Variants in ME1 observed in about 807,000 individuals in gnomAD.
ME1 encodes the protein malic enzyme 1, also known as NADP-dependent malic enzyme.
A neutral mutation model predicts 66.4 loss-of-function variants in ME1; 74 were observed. The ratio of observed to expected loss-of-function variants is 1.11; its 90% CI spans 0.92 to 1.35. ME1 has a LOEUF of 1.35. Among genes scored for constraint, ME1 ranks in the 40% most tolerant of loss-of-function variants. The pLI, the probability that ME1 is intolerant of heterozygous loss-of-function variation, is 0.00. For missense variants in ME1, 750 were observed against 694.1 expected (o/e 1.08, Z -0.90); for synonymous variants, 251 against 235.6 (o/e 1.07, Z -0.60).
rs572105265 is a variant in ME1, at chr6:83,420,008, G to T, written c.78+10869C>A. Among the ~76,000 whole-genome samples the T allele has an allele frequency of 2.0e-5, 3 of 152,268 alleles. No homozygotes were observed. In the East Asian group the frequency reaches 5.8e-4, roughly 29 times the overall value. On this transcript the variant is annotated intron_variant, in intron 1 of 13. Coordinates refer to ENST00000369705, the MANE Select transcript of ME1 (RefSeq NM_002395.6). ...TTAAAAGAGGGGACTTCACTGAAAA[G>T]CAGGCCTTCTTGTAATTCTCTCATT...
chr6:83,286,318 A>T (rs1030890963), intron 6 of ME1, among the ~76,000 whole-genome samples: 13 of 152,192 alleles, frequency 8.5e-5, no homozygotes, highest in Non-Finnish European at 1.3e-4. Context: ...TAACTAACAA[A>T]TGTACTAGCT....
chr6:83,333,266 TC>T (rs984100105), intron 5 of ME1, among the ~76,000 whole-genome samples: 12 of 152,152 alleles, frequency 7.9e-5, no homozygotes, highest in African/African-American at 2.9e-4. Context: ...ATGCAGAGAT[TC>T]AAAAAAGCAA....
chr6:83,408,960 G>T (rs1269242331), intron 1 of ME1, among the ~76,000 whole-genome samples: 2 of 152,138 alleles, frequency 1.3e-5, no homozygotes, highest in Non-Finnish European at 2.9e-5. Flanking sequence ...CAAGGCGATG[G>T]CATAGGAAGA....
intron 3 of ME1, among the ~76,000 whole-genome samples, chr6:83,373,445 G>C (rs1470925175): frequency 1.3e-5 from 2 of 152,088 alleles, no homozygotes; most frequent in Non-Finnish European, 2.9e-5. Flanking sequence ...TGCTGGCCAG[G>C]CTGGTCTCGA....
intron 3 of ME1, among the ~76,000 whole-genome samples, chr6:83,396,021 C>G (rs1433529817): frequency 6.6e-6 from 1 of 152,068 alleles, no homozygotes; most frequent in Non-Finnish European, 1.5e-5. Flanking sequence ...TTCTAATACA[C>G]TAACTATAAA....
At chr6:83,256,349 T>C (rs985993246) in intron 6 of ME1, among the ~76,000 whole-genome samples, 4 of 152,138 alleles carry the variant, frequency 2.6e-5, no homozygotes, top group Non-Finnish European at 5.9e-5. Flanking sequence ...GTAAATAATG[T>C]TCTCAAAGGG....
chr6:83,416,047 A>C (rs188173577), intron 1 of ME1, among the ~76,000 whole-genome samples: 22 of 152,324 alleles, frequency 1.4e-4, no homozygotes, highest in Admixed American at 6.5e-4. Flanking sequence ...CCATTTGTCA[A>C]GTTTGAGTCA....
At chr6:83,393,990 T>C (rs528256941) in intron 3 of ME1, among the ~76,000 whole-genome samples, 191 of 152,142 alleles carry the variant, frequency 1.3e-3, no homozygotes, top group African/African-American at 4.5e-3. Flanking sequence ...TTGTGTCTGT[T>C]GGCGTTTTTT....
chr6:83,306,189 A>G (rs534278343), intron 6 of ME1, among the ~76,000 whole-genome samples: 149 of 152,088 alleles, frequency 9.8e-4, no homozygotes, highest in Non-Finnish European at 1.8e-3. Context: ...CTTATTTTCT[A>G]ATTTATTATA....
At chr6:83,330,028 C>T (rs1468434959) in intron 5 of ME1, among the ~76,000 whole-genome samples, 1 of 152,064 alleles carries the variant, frequency 6.6e-6, no homozygotes, top group Admixed American at 6.6e-5. Flanking sequence ...CTTATGTTGC[C>T]CAGGCTGGTC....
At chr6:83,257,605 C>T (rs572878232) in intron 6 of ME1, among the ~76,000 whole-genome samples, 8 of 152,120 alleles carry the variant, frequency 5.3e-5, no homozygotes, top group Non-Finnish European at 8.8e-5. Context: ...TGTATGATGC[C>T]GTTTATCCTC....
Position 83,352,145 on chromosome 6 carries a change from G to GAAAAAA in ME1, c.363-12_363-7dup. ...GGATAGTAATAAAGAGACCTCTGCA[G>GAAAAAA]AAAAAAAAAAAAAAAAAGGAGTAGT... On this transcript the variant is annotated splice_region_variant and splice_polypyrimidine_tract_variant and intron_variant, in intron 3 of 13. Transcript: ENST00000369705. 5 of 939,452 alleles carry GAAAAAA rather than the reference G, an allele frequency of 5.3e-6. No individual in the cohort carries two copies. The highest frequency in any genetic ancestry group is 4.5e-5 in the Admixed American group (1 of 22,260). The allele number at this position is 939,452 out of a possible 1,614,324, so 58.2% of individuals were successfully genotyped here. A position where few individuals can be genotyped will look rare whatever the true frequency, so the allele number is the denominator to read the frequency against.
Position 83,408,222 on chromosome 6 carries a change from TATAAAA to T in ME1, c.79-327_79-322del, listed in dbSNP as rs140787286. 1.9e-4 allele frequency among the ~76,000 whole-genome samples: 29 copies of T among 152,278 alleles called. No homozygotes were observed. In the East Asian group the frequency reaches 2.1e-3, roughly 11 times the overall value. ...AATCATTATTATCAATGTCAGTACATATAAAAATAAAAAGTCATTATTAGAAGAGAT... is the reference window on the plus strand; with the variant it reads ...AATCATTATTATCAATGTCAGTACATATAAAAAGTCATTATTAGAAGAGAT... On this transcript the variant is annotated intron_variant, in intron 1 of 13. Transcript: ENST00000369705.
At chr6:83,321,227 G>A (rs1768166752) in intron 5 of ME1, among the ~76,000 whole-genome samples, 1 of 152,146 alleles carries the variant, frequency 6.6e-6, no homozygotes, top group Non-Finnish European at 1.5e-5. Context: ...AAACTGGGTG[G>A]TCATTTGGGC....
At chr6:83,402,788 A>G (rs1769861770) in intron 2 of ME1, among the ~76,000 whole-genome samples, 1 of 152,210 alleles carries the variant, frequency 6.6e-6, no homozygotes, top group South Asian at 2.1e-4. Context: ...AAGAACCACA[A>G]TCAGCTGAGA....
chr6:83,360,085 G>T (rs757981913), intron 3 of ME1, among the ~76,000 whole-genome samples: 1 of 152,180 alleles, frequency 6.6e-6, no homozygotes, highest in African/African-American at 2.4e-5. Context: ...ATGGACAAAA[G>T]GCTAATTTGA....
chr6:83,328,413 T>C lies in ME1; in HGVS notation c.601-13000A>G, dbSNP rs144350072. On this transcript the variant is annotated intron_variant, in intron 5 of 13. Coordinates refer to ENST00000369705, the MANE Select transcript of ME1 (RefSeq NM_002395.6). ...AACCACCATGGCACATGTATACCTA[T>C]GTAACAAAGCTGCATGTTCTGCACA... Among the ~76,000 whole-genome samples the C allele has an allele frequency of 5.8e-3, 883 of 152,220 alleles. 8 individuals carry two copies. Among genetic ancestry groups the C allele is most frequent in the African/African-American group, 0.02 (841 of 41,546 alleles).
At chr6:83,323,684 A>C (rs1396801774) in intron 5 of ME1, among the ~76,000 whole-genome samples, 1 of 152,178 alleles carries the variant, frequency 6.6e-6, no homozygotes, top group East Asian at 1.9e-4. Flanking sequence ...CAGGTTCATA[A>C]AGCAAGTTCA....
intron 6 of ME1, among the ~76,000 whole-genome samples, chr6:83,306,263 C>A (rs1041330475): frequency 6.6e-6 from 1 of 151,490 alleles, no homozygotes; most frequent in South Asian, 2.1e-4. Context: ...CTTAATCTTG[C>A]TAAATTAAAG....
Sources: allele counts gnomAD v4.1 joint callset (sites outside exome capture counted in the v4.1 genomes callset), GRCh38; gene constraint gnomAD v4.1.1; transcripts MANE v1.5; gene names NCBI Gene and HGNC (gene_info 2026-07-23, HGNC 2026-07-21).